The following RTN4 variants were observed in gnomAD, a reference collection of about 807,000 sequenced individuals.
RTN4 encodes the protein reticulon 4, also known as reticulon-4.
RTN4 carries 32 observed loss-of-function variants against 90.4 expected under a neutral mutation model. That is an observed-to-expected ratio of 0.35 (90% CI 0.27 to 0.48). RTN4 has a LOEUF of 0.48. Ranked by LOEUF, RTN4 falls within the 20% of genes least tolerant of loss-of-function variation. The probability of loss-of-function intolerance (pLI) is 0.99; values close to 1 mark genes in which losing one functional copy is unlikely to be tolerated. For missense variants in RTN4, 1,706 were observed against 1,430.2 expected, an observed-to-expected ratio of 1.19 and a Z score of -3.11; for synonymous variants, 629 against 552.5, an observed-to-expected ratio of 1.14 and a Z score of -1.94.
chr2:55,109,182 T>C (rs572990589), intron 1 of RTN4, among the ~76,000 whole-genome samples: 1 of 152,066 alleles, frequency 6.6e-6, no homozygotes, highest in South Asian at 2.1e-4. Flanking sequence ...ATTAGAAGAG[T>C]GCTAAATTCC....
intron 2 of RTN4, among the ~76,000 whole-genome samples, chr2:55,064,539 TG>T (rs1302329164): frequency 3.9e-5 from 6 of 151,996 alleles, no homozygotes; most frequent in Non-Finnish European, 8.8e-5. Context: ...TTAGCAGAGA[TG>T]GGGTTTCACC....
chr2:54,982,252 G>A (rs531370158), intron 5 of RTN4, among the ~76,000 whole-genome samples: 8 of 151,758 alleles, frequency 5.3e-5, no homozygotes, highest in South Asian at 4.2e-4. Context: ...CACCACACCC[G>A]GCCCACAAGT....
At chr2:54,973,452 T>G in intron 8 of RTN4, 111 bp downstream of exon 8, 1 of 895,994 alleles carries the variant, frequency 1.1e-6, no homozygotes, top group South Asian at 1.5e-5. Flanking sequence ...GAAGTCACAC[T>G]TAAGGTCTGA....
chr2:54,974,904 CA>C (rs1175896573), intron 5 of RTN4, 140 bp from the exon 6 acceptor site: 21 of 642,640 alleles, frequency 3.3e-5, no homozygotes, highest in Non-Finnish European at 1.4e-5. Context: ...ATGAGCAGTT[CA>C]CTATTAAGTC....
chr2:55,089,027 G>C (rs1332676520), intron 1 of RTN4, among the ~76,000 whole-genome samples: 1 of 152,062 alleles, frequency 6.6e-6, no homozygotes, highest in East Asian at 1.9e-4. Context: ...CCGCCTCCTG[G>C]GTTCAAGCAA....
Position 55,025,584 on chromosome 2 carries a change from C to T in RTN4, c.2515G>A (p.Val839Ile), listed in dbSNP as rs936123936. The T allele has an allele frequency of 1.2e-6, 2 of 1,613,566 alleles. No homozygotes were observed. The highest frequency in any genetic ancestry group is 2.7e-5 in the African/African-American group (2 of 74,882). Residue 839 changes from valine (V) to isoleucine (I), a missense_variant, in exon 3 of 9, where the codon GTT (valine) becomes ATT (isoleucine). Coordinates refer to ENST00000337526, the MANE Select transcript of RTN4 (RefSeq NM_020532.5). ...ATAAATAAGTCATCATTTGAATAAACTGCAGTACTGAGCTCCTCCATCTGC... is the reference window on the plus strand; with the variant it reads ...ATAAATAAGTCATCATTTGAATAAATTGCAGTACTGAGCTCCTCCATCTGC... ...PLQMEELSTAVYSNDDLFISK... is the reference protein window; with the variant it reads ...PLQMEELSTAIYSNDDLFISK...
intron 3 of RTN4, among the ~76,000 whole-genome samples, chr2:54,999,352 T>C (rs1268652984): frequency 6.6e-6 from 1 of 152,204 alleles, no homozygotes; most frequent in African/African-American, 2.4e-5. Context: ...GCCTGCATTG[T>C]GCATGCCTTA....
intron 2 of RTN4, among the ~76,000 whole-genome samples, chr2:55,069,381 A>C (rs1160383463): frequency 6.6e-6 from 1 of 152,196 alleles, no homozygotes; most frequent in African/African-American, 2.4e-5. Flanking sequence ...CCCCCTCAAA[A>C]AAATCAGAAA....
chr2:55,115,731 T>A (rs1008422204), upstream of RTN4, among the ~76,000 whole-genome samples: 1 of 152,208 alleles, frequency 6.6e-6, no homozygotes, highest in African/African-American at 2.4e-5. Flanking sequence ...GCTCATCCTT[T>A]CTGTACATTG....
At chr2:55,031,578 A>T (rs902539381) in intron 1 of RTN4, among the ~76,000 whole-genome samples, 5 of 152,236 alleles carry the variant, frequency 3.3e-5, no homozygotes, top group African/African-American at 1.2e-4. Flanking sequence ...CGAAGGTCAG[A>T]AAGTGCTGAA....
intron 3 of RTN4, among the ~76,000 whole-genome samples, chr2:54,999,094 C>A (rs1021841242): frequency 2.6e-5 from 4 of 152,164 alleles, no homozygotes; most frequent in African/African-American, 9.7e-5. Flanking sequence ...TCAATTTTAA[C>A]AAACCCTTGT....
At chr2:54,973,652 G>A (rs199588034) in intron 7 of RTN4, 31 bp from the exon 8 acceptor site, 136 of 1,571,488 alleles carry the variant, frequency 8.7e-5, no homozygotes, top group Non-Finnish European at 1.1e-4. Context: ...AATTATTACC[G>A]TTGCTAAAGA....
the RTN4 span, among the ~76,000 whole-genome samples, chr2:55,125,629 G>A: frequency 1.3e-5 from 2 of 152,150 alleles, no homozygotes; most frequent in South Asian, 4.1e-4. Context: ...AGGTGGGCAC[G>A]GTGGCACATG....
chr2:55,070,104 G>A (rs187591007), intron 2 of RTN4, among the ~76,000 whole-genome samples: 238 of 152,260 alleles, frequency 1.6e-3, no homozygotes, highest in South Asian at 3.9e-3. Context: ...GTCTAAAGCA[G>A]GGGTTCCTCA....
At chr2:54,982,191 G>C (rs977638671) in intron 5 of RTN4, among the ~76,000 whole-genome samples, 2 of 151,750 alleles carry the variant, frequency 1.3e-5, no homozygotes, top group African/African-American at 4.8e-5. Context: ...CCTGACCTCA[G>C]GTAATCCACC....
At chr2:55,104,909 C>G (rs188841071) in intron 1 of RTN4, among the ~76,000 whole-genome samples, 1 of 151,828 alleles carries the variant, frequency 6.6e-6, no homozygotes. Context: ...CGGGCTCAAG[C>G]GATCTCCCCA....
chr2:54,974,762 A>C lies in RTN4; in HGVS notation c.3363T>G (p.Phe1121Leu). 1 of 1,612,920 alleles carries C rather than the reference A, an allele frequency of 6.2e-7. No individual in the cohort carries two copies. The highest frequency in any genetic ancestry group is 8.5e-7 in the Non-Finnish European group (1 of 1,178,910). ...AGGTAAATACCCACATCAACACTGC[A>C]AACTATAAGAAAATAACATTAGCCC... Reference protein sequence around the residue: ...LVDDLVDSLKFAVLMWVFTYV... With the variant: ...LVDDLVDSLKLAVLMWVFTYV... The change falls in exon 6 of 9, where the codon TTT becomes TTG. Residue 1121 changes from phenylalanine (F) to leucine (L), a missense_variant and splice_region_variant. By Grantham distance (22) the Phe-to-Leu change is conservative. Transcript: ENST00000337526.
chr2:55,013,490 C>T lies in RTN4; in HGVS notation c.3013+11596G>A, dbSNP rs141804563. On this transcript the variant is annotated intron_variant, in intron 3 of 8. Coordinates refer to ENST00000337526, the MANE Select transcript of RTN4 (RefSeq NM_020532.5). ...TTTCTCACATCTCAGACCAAACCCT[C>T]GTTTCCTTCATGCACTTACCTGTTA... Among the ~76,000 whole-genome samples, 23 of 151,824 alleles carry T rather than the reference C, an allele frequency of 1.5e-4. No homozygotes were observed. The East Asian group carries it at 2.3e-3, about 15-fold the overall frequency.
At chr2:55,076,830 T>G (rs1268013081) in intron 2 of RTN4, among the ~76,000 whole-genome samples, 3 of 152,282 alleles carry the variant, frequency 2.0e-5, no homozygotes, top group African/African-American at 7.2e-5. Context: ...CAAGATCTGA[T>G]GGTTTTAAAA....
Sources: gnomAD v4.1 joint callset for allele counts (sites outside exome capture counted in the v4.1 genomes callset) on GRCh38, gnomAD v4.1.1 for gene constraint, MANE v1.5 for transcripts, NCBI Gene and HGNC (gene_info 2026-07-23, HGNC 2026-07-21) for gene names.